FBXO34: variants seen among roughly 807,000 people sequenced by gnomAD.
FBXO34 encodes the protein F-box only protein 34.
In FBXO34, 12 loss-of-function variants were observed where a neutral mutation model predicts 24.5. The ratio of observed to expected loss-of-function variants is 0.49; its 90% confidence interval spans 0.31 to 0.79. FBXO34 has a LOEUF of 0.79. Among genes scored for constraint, FBXO34 ranks in the 30% least tolerant of loss-of-function variants. FBXO34 has a pLI of 0.04. For missense variants in FBXO34, 823 were observed against 857.7 expected, an observed-to-expected ratio of 0.96 and a Z score of 0.51; for synonymous variants, 320 against 311.9, an observed-to-expected ratio of 1.03 and a Z score of -0.27.
chr14:55,298,685 G>A (rs1882229032), intron 1 of FBXO34: 4 of 1,554,042 alleles, frequency 2.6e-6, no homozygotes, highest in Middle Eastern at 1.9e-4. Context: ...AGGGCGGCCT[G>A]ACCCTCCAGG....
the FBXO34 span, chr14:55,411,879 T>G: frequency 2.7e-6 from 4 of 1,480,182 alleles, no homozygotes; most frequent in Non-Finnish European, 3.7e-6. Context: ...GGGTGCATTC[T>G]GGGCCAGGAG....
At chr14:55,388,083 G>GC in the FBXO34 span, among the ~76,000 whole-genome samples, 5 of 152,192 alleles carry the variant, frequency 3.3e-5, no homozygotes, top group Non-Finnish European at 7.4e-5. Context: ...GTTGCAGTGA[G>GC]CCGAGATCGT....
chr14:55,322,897 G>T (rs547688833), intron 1 of FBXO34, among the ~76,000 whole-genome samples: 1 of 150,576 alleles, frequency 6.6e-6, no homozygotes, highest in African/African-American at 2.4e-5. Flanking sequence ...TTTTTGGCCG[G>T]GCACGGTGGC....
intron 1 of FBXO34, among the ~76,000 whole-genome samples, chr14:55,311,096 A>G (rs1450572518): frequency 6.6e-6 from 1 of 152,212 alleles, no homozygotes; most frequent in East Asian, 1.9e-4. Context: ...GTAATTTATA[A>G]AGGAAAGAGG....
At chr14:55,276,317 T>C (rs1299029047) in intron 1 of FBXO34, among the ~76,000 whole-genome samples, 1 of 152,234 alleles carries the variant, frequency 6.6e-6, no homozygotes, top group African/African-American at 2.4e-5. Flanking sequence ...GTACATTGCA[T>C]ACCTAAATAC....
At chr14:55,309,981 G>A (rs1293760889) in intron 1 of FBXO34, among the ~76,000 whole-genome samples, 1 of 152,166 alleles carries the variant, frequency 6.6e-6, no homozygotes, top group Non-Finnish European at 1.5e-5. Context: ...TAATGAGGCA[G>A]CTATTCCCAG....
the FBXO34 span, among the ~76,000 whole-genome samples, chr14:55,395,645 T>C: frequency 3.8e-4 from 58 of 152,352 alleles, no homozygotes; most frequent in African/African-American, 1.1e-3. Flanking sequence ...ATTAATCCAT[T>C]TGGAGTGTGT....
downstream of FBXO34, among the ~76,000 whole-genome samples, chr14:55,362,219 TGAG>T (rs1363987291): frequency 6.6e-6 from 1 of 152,150 alleles, no homozygotes; most frequent in African/African-American, 2.4e-5. Flanking sequence ...GAGAGGGAAA[TGAG>T]GGAACAGGAG....
At chr14:55,389,828 G>A in the FBXO34 span, among the ~76,000 whole-genome samples, 14 of 152,306 alleles carry the variant, frequency 9.2e-5, no homozygotes, top group East Asian at 2.5e-3. Flanking sequence ...TATTCTTGGG[G>A]CAAATGGGAA....
At chr14:55,289,736 C>T (rs1881879334) in intron 1 of FBXO34, among the ~76,000 whole-genome samples, 1 of 151,994 alleles carries the variant, frequency 6.6e-6, no homozygotes, top group South Asian at 2.1e-4. Context: ...TTTGTAGAGA[C>T]AGAGTCTTAC....
At chr14:55,316,446 G>C (rs1035774400) in intron 1 of FBXO34, among the ~76,000 whole-genome samples, 7 of 151,546 alleles carry the variant, frequency 4.6e-5, no homozygotes, top group Admixed American at 1.3e-4. Flanking sequence ...AAAAAAATTA[G>C]CTGGGTGTAG....
At chr14:55,414,143 G>A in the FBXO34 span, 1 of 533,410 alleles carries the variant, frequency 1.9e-6, no homozygotes, top group East Asian at 3.7e-5. Flanking sequence ...ATTCTAGTGA[G>A]ACCCTAAATC....
intron 1 of FBXO34, among the ~76,000 whole-genome samples, chr14:55,308,972 G>A (rs1290580766): frequency 6.6e-6 from 1 of 152,182 alleles, no homozygotes; most frequent in Non-Finnish European, 1.5e-5. Flanking sequence ...AGTTCTTGCA[G>A]ACATCATGAA....
At chr14:55,342,627 T>C (rs548904177) in intron 1 of FBXO34, among the ~76,000 whole-genome samples, 90 of 152,316 alleles carry the variant, frequency 5.9e-4, no homozygotes, top group African/African-American at 2.0e-3. Context: ...GGGGAAGTCT[T>C]TTCTTGTGCC....
the FBXO34 span, among the ~76,000 whole-genome samples, chr14:55,439,408 C>T: frequency 2.6e-5 from 4 of 152,074 alleles, no homozygotes; most frequent in Non-Finnish European, 1.5e-5. Context: ...GGGACAGGGG[C>T]TCTCTGTTTC....
chr14:55,331,409 G>T (rs1387233970), intron 1 of FBXO34, among the ~76,000 whole-genome samples: 1 of 151,462 alleles, frequency 6.6e-6, no homozygotes, highest in Non-Finnish European at 1.5e-5. Flanking sequence ...AATGTATTGA[G>T]GTTCTTCAGT....
chr14:55,381,019 T>C, the FBXO34 span, among the ~76,000 whole-genome samples: 84,326 of 151,430 alleles, frequency 0.56, 26,489 homozygotes, highest in African/African-American at 0.87. Flanking sequence ...ATGTCACCTC[T>C]CCAGAGAGGG....
At chr14:55,384,966 TG>T in the FBXO34 span, among the ~76,000 whole-genome samples, 1 of 152,192 alleles carries the variant, frequency 6.6e-6, no homozygotes, top group Non-Finnish European at 1.5e-5. Flanking sequence ...AACAGCCAGA[TG>T]GGGGAACCAC....
At chr14:55,302,813 C>G (rs190040091) in intron 1 of FBXO34, among the ~76,000 whole-genome samples, 111 of 152,126 alleles carry the variant, frequency 7.3e-4, no homozygotes, top group Non-Finnish European at 1.4e-3. Context: ...ATTCTGTTTT[C>G]TTCTTTGGAA....
Sources: allele counts gnomAD v4.1 joint callset (sites outside exome capture counted in the v4.1 genomes callset), GRCh38; gene constraint gnomAD v4.1.1; transcripts MANE v1.5; gene names NCBI Gene and HGNC (gene_info 2026-07-23, HGNC 2026-07-21).